Variants in FUT9 observed in about 807,000 individuals in gnomAD.
FUT9 encodes the protein fucosyltransferase 9.
In FUT9, 15 loss-of-function variants were observed where a neutral mutation model predicts 29.7. The observed-to-expected ratio is 0.51, with a 90% CI of 0.34 to 0.78. The LOEUF is 0.78. FUT9 is among the 30% of genes least tolerant of loss of function. FUT9 has a pLI of 0.01. For missense variants in FUT9, 319 were observed against 425.4 expected (o/e 0.75, Z 2.20); for synonymous variants, 169 against 153.7 (o/e 1.10, Z -0.74).
intron 1 of FUT9, among the ~76,000 whole-genome samples, chr6:96,065,412 G>GA (rs1251344929): frequency 6.6e-6 from 1 of 152,048 alleles, no homozygotes; most frequent in Middle Eastern, 3.4e-3. Context: ...AGAACACTTG[G>GA]AAAAAATATG....
At chr6:96,071,849 G>A (rs1771068755) in intron 1 of FUT9, among the ~76,000 whole-genome samples, 1 of 151,790 alleles carries the variant, frequency 6.6e-6, no homozygotes, top group Admixed American at 6.6e-5. Flanking sequence ...TACCCAGGCT[G>A]GTCTCAAACT....
rs191188358 is a variant in FUT9, at chr6:96,070,060, T to A, written c.-97-43979T>A. On this transcript the variant is annotated intron_variant, in intron 1 of 2. Coordinates refer to ENST00000302103, the MANE Select transcript of FUT9 (RefSeq NM_006581.4). The stretch of plus-strand genomic sequence containing the variant: ...TTATTCATTATTTTACAAACAATAG[T>A]GAATGAATTACAGAATATTTAACTT... 8.5e-3 allele frequency among the ~76,000 whole-genome samples: 1,293 copies of A among 152,272 alleles called. 11 individuals carry two copies. Among genetic ancestry groups the A allele is most frequent in the Non-Finnish European group, 0.015 (1,010 of 67,998 alleles).
At position 96,203,267 on chromosome 6, in the gene FUT9, T is replaced by C; in HGVS notation, c.112T>C (p.Phe38Leu). The change falls in exon 3 of 3, where the codon TTC becomes CTC. Residue 38 changes from phenylalanine (F) to leucine (L), a missense_variant. Transcript: ENST00000302103. ...CATCAAACCTACCAACAGCTGGATC[T>C]TCAGTCCAATGGAATCAGCCAGCTC... ...IYIKPTNSWI[F>L]SPMESASSVL... 1 of 1,613,976 alleles carries C rather than the reference T, an allele frequency of 6.2e-7. No individual in the cohort carries two copies.
chr6:96,176,149 C>T (rs923896166), intron 2 of FUT9, among the ~76,000 whole-genome samples: 1 of 152,136 alleles, frequency 6.6e-6, no homozygotes, highest in Non-Finnish European at 1.5e-5. Context: ...TTACATGGCC[C>T]ACTCCCTGGT....
chr6:96,092,143 T>A (rs1771421914), intron 1 of FUT9, among the ~76,000 whole-genome samples: 1 of 152,074 alleles, frequency 6.6e-6, no homozygotes, highest in African/African-American at 2.4e-5. Context: ...ATTTATCAGA[T>A]TAATAGATTA....
chr6:96,195,934 T>A (rs920686171), intron 2 of FUT9, among the ~76,000 whole-genome samples: 21 of 152,172 alleles, frequency 1.4e-4, no homozygotes, highest in African/African-American at 4.8e-4. Context: ...TAGTTGAGAA[T>A]CAGATAACAC....
At chr6:96,183,210 T>G (rs1416405467) in intron 2 of FUT9, among the ~76,000 whole-genome samples, 1 of 151,988 alleles carries the variant, frequency 6.6e-6, no homozygotes, top group Non-Finnish European at 1.5e-5. Context: ...TTGGCAGCTA[T>G]TGTAAAAGTG....
intron 2 of FUT9, among the ~76,000 whole-genome samples, chr6:96,170,281 C>T (rs1002855220): frequency 1.3e-5 from 2 of 151,940 alleles, no homozygotes; most frequent in Non-Finnish European, 2.9e-5. Context: ...TAGGTCAAAT[C>T]GATATTGTGA....
chr6:96,091,479 C>T (rs1277054028), intron 1 of FUT9, among the ~76,000 whole-genome samples: 1 of 152,000 alleles, frequency 6.6e-6, no homozygotes, highest in Non-Finnish European at 1.5e-5. Context: ...ATCTTAGACA[C>T]AAGTGAAAAT....
At chr6:96,033,120 G>C (rs1467358431) in intron 1 of FUT9, among the ~76,000 whole-genome samples, 4 of 151,528 alleles carry the variant, frequency 2.6e-5, no homozygotes, top group African/African-American at 9.7e-5. Flanking sequence ...TACACCTTAT[G>C]CAGATAAAAA....
intron 1 of FUT9, among the ~76,000 whole-genome samples, chr6:96,046,415 C>G (rs1770565001): frequency 1.3e-5 from 2 of 152,140 alleles, no homozygotes; most frequent in Non-Finnish European, 2.9e-5. Flanking sequence ...TAACCTACAA[C>G]TCCATTTAAC....
At chr6:96,132,991 G>A (rs1772275275) in intron 2 of FUT9, among the ~76,000 whole-genome samples, 1 of 151,792 alleles carries the variant, frequency 6.6e-6, no homozygotes, top group Non-Finnish European at 1.5e-5. Context: ...TGGTTACATG[G>A]ATATGTTCTT....
intron 2 of FUT9, among the ~76,000 whole-genome samples, chr6:96,128,864 C>A (rs1180532666): frequency 6.6e-6 from 1 of 151,976 alleles, no homozygotes; most frequent in Non-Finnish European, 1.5e-5. Flanking sequence ...GTGGCTCACA[C>A]CTGTAATACC....
chr6:96,063,213 G>T (rs1359236104), intron 1 of FUT9, among the ~76,000 whole-genome samples: 1 of 152,120 alleles, frequency 6.6e-6, no homozygotes, highest in African/African-American at 2.4e-5. Flanking sequence ...GGTGTATTAG[G>T]CCATTCTTGC....
chr6:96,098,734 G>A (rs1771541363), intron 1 of FUT9, among the ~76,000 whole-genome samples: 1 of 152,080 alleles, frequency 6.6e-6, no homozygotes, highest in African/African-American at 2.4e-5. Flanking sequence ...TGTTTGGTAG[G>A]AAAGATCTAT....
At position 96,212,041 on chromosome 6, in the gene FUT9, T is replaced by C. The variant is rs1191757042; in HGVS notation, c.*7806T>C. The C allele has an allele frequency of 7.3e-6, 3 of 412,212 alleles. No individual in the cohort carries two copies. The highest frequency in any genetic ancestry group is 3.6e-5 in the East Asian group (1 of 28,052). 25.5% of individuals were successfully genotyped at this position (412,212 alleles called of 1,614,324 possible). Reference sequence around the variant, plus strand: ...CAGAAAGTTATGCTAACATGCTAACTTTCCACACATGGCTGCATTCCATTT... The same window carrying C: ...CAGAAAGTTATGCTAACATGCTAACCTTCCACACATGGCTGCATTCCATTT... On this transcript the variant is annotated 3_prime_UTR_variant, in exon 3 of 3. Coordinates refer to ENST00000302103, the MANE Select transcript of FUT9 (RefSeq NM_006581.4).
At chr6:96,072,831 C>T (rs1330631382) in intron 1 of FUT9, among the ~76,000 whole-genome samples, 1 of 152,108 alleles carries the variant, frequency 6.6e-6, no homozygotes, top group Non-Finnish European at 1.5e-5. Context: ...TTACTCTAAG[C>T]ATGAGTAAAT....
At chr6:96,201,489 A>G (rs1195677875) in intron 2 of FUT9, among the ~76,000 whole-genome samples, 2 of 151,684 alleles carry the variant, frequency 1.3e-5, no homozygotes, top group African/African-American at 4.8e-5. Context: ...TTATTTTTTT[A>G]GCATTTTACC....
chr6:96,092,754 A>G (rs1771432035), intron 1 of FUT9, among the ~76,000 whole-genome samples: 1 of 152,046 alleles, frequency 6.6e-6, no homozygotes, highest in South Asian at 2.1e-4. Context: ...TTTTCTTTAT[A>G]ACATTTCATA....
Sources: gnomAD v4.1 joint callset for allele counts (sites outside exome capture counted in the v4.1 genomes callset) on GRCh38, gnomAD v4.1.1 for gene constraint, MANE v1.5 for transcripts, NCBI Gene and HGNC (gene_info 2026-07-23, HGNC 2026-07-21) for gene names.